The following CIBAR2 variants were observed in gnomAD, a reference collection of about 807,000 sequenced individuals.
The protein encoded by CIBAR2 is CBY1-interacting BAR domain-containing protein 2.
In CIBAR2, 38 loss-of-function variants were observed where a neutral mutation model predicts 36.2. The ratio of observed to expected loss-of-function variants is 1.05; its 90% CI spans 0.81 to 1.38. CIBAR2 has a LOEUF of 1.38. Ranked by LOEUF, CIBAR2 falls within the 40% of genes most tolerant of loss-of-function variation. CIBAR2 has a pLI of 0.00. For missense variants in CIBAR2, 481 were observed against 383.4 expected, an observed-to-expected ratio of 1.25 and a Z score of -2.13; for synonymous variants, 182 against 149.5, an observed-to-expected ratio of 1.22 and a Z score of -1.58.
In CIBAR2 at chr16:85,107,686, T is replaced by G; in HGVS notation, c.427-14A>C. ...ACTCACCTGGGACTGAAAAACGTGC[T>G]GTTAAGGAACCAAGTTAAGCCCAGG... is the stretch of plus-strand genomic sequence containing the variant. On this transcript the variant is annotated splice_polypyrimidine_tract_variant and intron_variant, in intron 4 of 8. Transcript: ENST00000539556. 6.2e-7 allele frequency: 1 copy of G among 1,613,848 alleles called. No individual in the cohort carries two copies. Among genetic ancestry groups the G allele is most frequent in the Non-Finnish European group, 8.5e-7 (1 of 1,179,856 alleles).
intron 5 of CIBAR2, among the ~76,000 whole-genome samples, chr16:85,105,930 C>G (rs2073992608): frequency 6.6e-6 from 1 of 152,222 alleles, no homozygotes; most frequent in Non-Finnish European, 1.5e-5. Context: ...CACCTTGGAG[C>G]TGCGTTTGAA....
At chr16:85,105,458 A>G in intron 5 of CIBAR2, 27 bp from the exon 6 acceptor site, 1 of 1,556,154 alleles carries the variant, frequency 6.4e-7, no homozygotes, top group Non-Finnish European at 8.9e-7. Flanking sequence ...AAGACGTAGA[A>G]AGTGTCATGG....
chr16:85,103,607 C>T (rs2073972026), intron 6 of CIBAR2, among the ~76,000 whole-genome samples: 1 of 152,258 alleles, frequency 6.6e-6, no homozygotes, highest in Non-Finnish European at 1.5e-5. Context: ...GCCCCAGACA[C>T]ATCAGGTGCT....
intron 6 of CIBAR2, 50 bp from the exon 7 acceptor site, chr16:85,102,377 C>T (rs769804054): frequency 8.5e-7 from 1 of 1,180,808 alleles, no homozygotes; most frequent in South Asian, 1.2e-5. Context: ...GAGAAAGAGC[C>T]CAGGGAAGCC....
intron 8 of CIBAR2, among the ~76,000 whole-genome samples, chr16:85,099,937 C>A (rs2073941966): frequency 6.6e-6 from 1 of 151,714 alleles, no homozygotes; most frequent in South Asian, 2.1e-4. Flanking sequence ...GCCACCGTGC[C>A]CAGCTTCATT....
At chr16:85,109,290 G>A (rs2074022286) in intron 2 of CIBAR2, among the ~76,000 whole-genome samples, 1 of 151,960 alleles carries the variant, frequency 6.6e-6, no homozygotes, top group Non-Finnish European at 1.5e-5. Flanking sequence ...GCTAGTACAG[G>A]TGGCCACCCC....
chr16:85,100,364 G>A (rs533853309), intron 7 of CIBAR2, 124 bp from the exon 8 acceptor site: 63 of 606,024 alleles, frequency 1.0e-4, no homozygotes, highest in African/African-American at 6.1e-4. Context: ...GGAACTCCAC[G>A]GTCCTCTCCA....
At position 85,099,192 on chromosome 16, in the gene CIBAR2, G is replaced by A; in HGVS notation, c.908C>T (p.Ser303Phe). The A allele has an allele frequency of 6.3e-7, 1 of 1,578,054 alleles. No homozygotes were observed. Among genetic ancestry groups the A allele is most frequent in the Non-Finnish European group, 8.6e-7 (1 of 1,163,544 alleles). Residue 303 changes from serine (S) to phenylalanine (F), a missense_variant, in exon 9 of 9, where the codon TCT becomes TTT. Physicochemically the swap from Ser to Phe is radical, Grantham distance 155. Transcript: ENST00000539556. ...TGCACTTACCCTACGTCGTTAGAGAGAATGTCCTGGAAGCATGAGATGCCC... is the reference window on the plus strand; with the variant it reads ...TGCACTTACCCTACGTCGTTAGAGAAAATGTCCTGGAAGCATGAGATGCCC... ...QGGHLMLPGH[S>F]L
chr16:85,103,550 T>G (rs1370037820), intron 6 of CIBAR2, among the ~76,000 whole-genome samples: 1 of 152,236 alleles, frequency 6.6e-6, no homozygotes, highest in Non-Finnish European at 1.5e-5. Flanking sequence ...TGTTGGCCCC[T>G]GACCTGGAGA....
At chr16:85,110,110 TG>T in intron 2 of CIBAR2, 115 bp downstream of exon 2, 1 of 720,396 alleles carries the variant, frequency 1.4e-6, no homozygotes, top group Non-Finnish European at 2.3e-6. Context: ...TGGATGTCTC[TG>T]GAGACACACC....
At chr16:85,106,464 T>C (rs1011053925) in intron 5 of CIBAR2, among the ~76,000 whole-genome samples, 1 of 152,118 alleles carries the variant, frequency 6.6e-6, no homozygotes. Context: ...CTGGATTATC[T>C]GCTACAAGCA....
intron 2 of CIBAR2, among the ~76,000 whole-genome samples, chr16:85,108,636 G>A (rs554526489): frequency 1.3e-5 from 2 of 152,348 alleles, no homozygotes; most frequent in African/African-American, 4.8e-5. Flanking sequence ...ACTTTGGGAG[G>A]CCGAGGCGGG....
rs371477535 is a variant in CIBAR2, at chr16:85,102,199, G to T, written c.651+15C>A. 62 of 1,406,296 alleles carry T rather than the reference G, an allele frequency of 4.4e-5. No individual in the cohort carries two copies. Among genetic ancestry groups the T allele is most frequent in the Non-Finnish European group, 6.1e-5 (61 of 992,576 alleles). The allele number at this position is 1,406,296 out of a possible 1,614,324, so 87.1% of individuals were successfully genotyped here. ...CCCACTCCACCATATAGGAAACGGGGTGTCTGTGACTCACCAGTAGATCCC... is the reference window on the plus strand; with the variant it reads ...CCCACTCCACCATATAGGAAACGGGTTGTCTGTGACTCACCAGTAGATCCC... On this transcript the variant is annotated intron_variant, in intron 7 of 8. Transcript: ENST00000539556.
chr16:85,107,670 G>A lies in CIBAR2; in HGVS notation c.429C>T (p.Ser143=). 1 of 1,613,936 alleles carries A rather than the reference G, an allele frequency of 6.2e-7. No homozygotes were observed. Among genetic ancestry groups the A allele is most frequent in the Non-Finnish European group, 8.5e-7 (1 of 1,179,962 alleles). ...CAGACAGACATGTGACACTCACCTG[G>A]GACTGAAAAACGTGCTGTTAAGGAA... The part of the protein sequence containing the change: ...QKSPSDQQMI[S]QAETRVQRAA... Residue 143 remains serine, a splice_region_variant and synonymous_variant, in exon 5 of 9, where the codon TCC becomes TCT. Coordinates refer to ENST00000539556, the MANE Select transcript of CIBAR2 (RefSeq NM_198491.3).
rs1597661913 is a variant in CIBAR2 at position 85,098,432 on chromosome 16, G to C, written c.*753C>G. 1.6e-6 allele frequency: 1 copy of C among 634,604 alleles called. No homozygotes were observed. The highest frequency in any genetic ancestry group is 2.0e-6 in the Non-Finnish European group (1 of 508,730). The allele number at this position is 634,604 out of a possible 1,614,324, so 39.3% of individuals were successfully genotyped here. A position where few individuals can be genotyped will look rare whatever the true frequency, so the allele number is the denominator to read the frequency against. Reference sequence around the variant, plus strand: ...GATCCCCCAGAGCAACCTGTGAAGTGAGTGATATTGGCCCTGTTGTACAGA... The same window carrying C: ...GATCCCCCAGAGCAACCTGTGAAGTCAGTGATATTGGCCCTGTTGTACAGA... On this transcript the variant is annotated 3_prime_UTR_variant, in exon 9 of 9. Transcript: ENST00000539556.
In CIBAR2 at chr16:85,104,148, G is replaced by A. The variant is rs113449794; in HGVS notation, c.537+1179C>T. 8.6e-4 allele frequency among the ~76,000 whole-genome samples: 131 copies of A among 152,344 alleles called. 3 individuals are homozygous for A. The highest frequency in any genetic ancestry group is 3.1e-3 in the African/African-American group (128 of 41,580). ...TAAACAAGGGGCCTGACCAGTCTTG[G>A]GTCCGGGTGACTTTCCCCAAAGAAT... On this transcript the variant is annotated intron_variant, in intron 6 of 8. Coordinates refer to ENST00000539556, the MANE Select transcript of CIBAR2 (RefSeq NM_198491.3).
rs763008371 is a variant in CIBAR2, at chr16:85,102,278, G to A, written c.587C>T (p.Ala196Val). The change falls in exon 7 of 9, where the codon GCG becomes GTG. Residue 196 changes from alanine to valine, a missense_variant. Transcript: ENST00000539556. The part of the protein sequence containing the change: ...VTIEMVFHAK[A>V]VEVYSSAFQT... ...GAAGGCGCTAGAATACACCTCCACCGCTTTGGCATGGAAAACCATCTCAAT... is the reference window on the plus strand; with the variant it reads ...GAAGGCGCTAGAATACACCTCCACCACTTTGGCATGGAAAACCATCTCAAT... The A allele has an allele frequency of 1.1e-4, 182 of 1,613,544 alleles. No homozygotes were observed. The highest frequency in any genetic ancestry group is 4.9e-4 in the Middle Eastern group (3 of 6,080).
Position 85,104,299 on chromosome 16 carries a change from G to A in CIBAR2, c.537+1028C>T, listed in dbSNP as rs78541230. 9.3e-3 allele frequency among the ~76,000 whole-genome samples: 1,420 copies of A among 152,338 alleles called. 20 individuals are homozygous for A. The highest frequency in any genetic ancestry group is 0.033 in the African/African-American group (1,359 of 41,576). Reference sequence around the variant, plus strand: ...GGAGTGCCGCAGGCAGGATGAGGCCGCAGGCCTGAGCCAGGGCTTCAGGAG... The same window carrying A: ...GGAGTGCCGCAGGCAGGATGAGGCCACAGGCCTGAGCCAGGGCTTCAGGAG... On this transcript the variant is annotated intron_variant, in intron 6 of 8. Transcript: ENST00000539556.
At chr16:85,101,875 C>G (rs1244557544) in intron 7 of CIBAR2, among the ~76,000 whole-genome samples, 1 of 152,044 alleles carries the variant, frequency 6.6e-6, no homozygotes, top group East Asian at 1.9e-4. Flanking sequence ...ACCATGTTGG[C>G]CAGGCTGGCC....
Sources: allele counts gnomAD v4.1 joint callset (sites outside exome capture counted in the v4.1 genomes callset), GRCh38; gene constraint gnomAD v4.1.1; transcripts MANE v1.5; gene names NCBI Gene and HGNC (gene_info 2026-07-23, HGNC 2026-07-21).